JPH1: variants seen among roughly 807,000 people sequenced by gnomAD.
JPH1 encodes junctophilin 1.
A neutral mutation model predicts 53.6 loss-of-function variants in JPH1; 12 were observed. That is an observed-to-expected ratio of 0.22 (90% CI 0.14 to 0.36). JPH1 has a LOEUF of 0.36. JPH1 is among the 10% of genes least tolerant of loss of function. The pLI is 1.00. For synonymous variants in JPH1, 375 were observed against 363.8 expected (o/e 1.03, Z -0.35); for missense variants, 808 against 905.5 (o/e 0.89, Z 1.38).
At chr8:74,293,753 G>C (rs1296356566) in intron 2 of JPH1, among the ~76,000 whole-genome samples, 1 of 152,084 alleles carries the variant, frequency 6.6e-6, no homozygotes, top group African/African-American at 2.4e-5. Context: ...TCTCCTTCCA[G>C]GACCAGACTG....
At chr8:74,310,769 G>C (rs16938870) in intron 2 of JPH1, among the ~76,000 whole-genome samples, 31,102 of 152,130 alleles carry the variant, frequency 0.2, 3,593 homozygotes, top group East Asian at 0.31. Flanking sequence ...TTTTCCCTTA[G>C]AGCCAACTTG....
chr8:74,301,777 C>T (rs918698602), intron 2 of JPH1, among the ~76,000 whole-genome samples: 1 of 152,168 alleles, frequency 6.6e-6, no homozygotes, highest in African/African-American at 2.4e-5. Flanking sequence ...CCATGTTATA[C>T]TGACCTTATC....
intron 2 of JPH1, among the ~76,000 whole-genome samples, chr8:74,275,276 A>G (rs16938846): frequency 0.15 from 22,152 of 152,204 alleles, 1,969 homozygotes; most frequent in African/African-American, 0.24. Flanking sequence ...ACTTATCTAC[A>G]TAGTAGCAAA....
At position 74,235,148 on chromosome 8, in the gene JPH1, C is replaced by G. The variant is rs1806959791; in HGVS notation, c.*1903G>C. 6.6e-6 allele frequency: 1 copy of G among 152,102 alleles called. No individual in the cohort carries two copies. 9.4% of individuals were successfully genotyped at this position (152,102 alleles called of 1,614,324 possible). A position where few individuals can be genotyped will look rare whatever the true frequency, so the allele number is the denominator to read the frequency against. Reference sequence around the variant, plus strand: ...TTTTATTATTATTTTTTTAAAAAACCAGCTTTCCCAGCGTAAGGAGCTATA... The same window carrying G: ...TTTTATTATTATTTTTTTAAAAAACGAGCTTTCCCAGCGTAAGGAGCTATA... On this transcript the variant is annotated 3_prime_UTR_variant, in exon 6 of 6. Transcript: ENST00000342232.
Position 74,320,441 on chromosome 8 carries a change from T to G in JPH1, c.379+468A>C, listed in dbSNP as rs1260633417. Reference sequence around the variant, plus strand: ...GAAATACGACTCCACGTGAAACCAATCCCGGGAGCGGTCAGCACGGACCGC... The same window carrying G: ...GAAATACGACTCCACGTGAAACCAAGCCCGGGAGCGGTCAGCACGGACCGC... On this transcript the variant is annotated intron_variant, in intron 1 of 5. Transcript: ENST00000342232. The surrounding 1 kb of genome is among the most constrained non-coding windows in gnomAD (Gnocchi z 4.4). 6.6e-6 allele frequency among the ~76,000 whole-genome samples: 1 copy of G among 152,018 alleles called. No individual in the cohort carries two copies. The highest frequency in any genetic ancestry group is 6.5e-5 in the Admixed American group (1 of 15,272).
Position 74,244,524 on chromosome 8 carries a change from C to T in JPH1, c.1905+5G>A. On this transcript the variant is annotated splice_donor_5th_base_variant and intron_variant, in intron 4 of 5. Transcript: ENST00000342232. ...GAAAGAGAAAACGCTACTTGCAGTACTTACTGAATTGGCTTCTTTTTCCAA... is the reference window on the plus strand; with the variant it reads ...GAAAGAGAAAACGCTACTTGCAGTATTTACTGAATTGGCTTCTTTTTCCAA... The T allele has an allele frequency of 6.3e-7, 1 of 1,596,184 alleles. No homozygotes were observed. Among genetic ancestry groups the T allele is most frequent in the South Asian group, 1.1e-5 (1 of 87,084 alleles).
chr8:74,280,379 G>T (rs903564949), intron 2 of JPH1, among the ~76,000 whole-genome samples: 20 of 152,192 alleles, frequency 1.3e-4, no homozygotes, highest in African/African-American at 4.6e-4. Flanking sequence ...TCATGGGTAA[G>T]AACTCATTAT....
rs760088756 is a variant in JPH1 at position 74,320,983 on chromosome 8, G to T, written c.305C>A (p.Thr102Asn). ...CCAGGTACCCTCGTAGCGAGCGGGGGTGCACAGGCTCTGCCGGACCCCGTA... is the reference window on the plus strand; with the variant it reads ...CCAGGTACCCTCGTAGCGAGCGGGGTTGCACAGGCTCTGCCGGACCCCGTA... ...GRYGVRQSLC[T>N]PARYEGTWSN... Residue 102 changes from threonine to asparagine, a missense_variant, in exon 1 of 6, where the codon ACC becomes AAC. By Grantham distance (65) the Thr-to-Asn change is moderately conservative (BLOSUM62 0). Transcript: ENST00000342232. This position sits in a 1 kb window ranked among gnomAD's most constrained non-coding sequence, Gnocchi z 4.4. The T allele has an allele frequency of 6.2e-7, 1 of 1,612,042 alleles. No individual in the cohort carries two copies.
At chr8:74,301,481 G>C (rs1048956738) in intron 2 of JPH1, among the ~76,000 whole-genome samples, 2 of 152,224 alleles carry the variant, frequency 1.3e-5, no homozygotes, top group African/African-American at 2.4e-5. Context: ...TGGAGGACTA[G>C]AGAATTTTAA....
intron 4 of JPH1, among the ~76,000 whole-genome samples, chr8:74,240,063 C>T (rs1442628167): frequency 1.3e-5 from 2 of 152,198 alleles, no homozygotes; most frequent in South Asian, 2.1e-4. Flanking sequence ...CCTCTGCCTC[C>T]TGGCTTCAAG....
At chr8:74,318,461 A>T (rs758415663) in intron 1 of JPH1, among the ~76,000 whole-genome samples, 1 of 152,214 alleles carries the variant, frequency 6.6e-6, no homozygotes, top group South Asian at 2.1e-4. Flanking sequence ...GTTTTATGAC[A>T]AGTGAAAAAA....
At chr8:74,287,901 A>G (rs926722272) in intron 2 of JPH1, among the ~76,000 whole-genome samples, 1 of 152,150 alleles carries the variant, frequency 6.6e-6, no homozygotes, top group African/African-American at 2.4e-5. Flanking sequence ...ATCACAAACT[A>G]AAGAGAAAAC....
At chr8:74,251,594 T>G (rs904244576) in intron 3 of JPH1, among the ~76,000 whole-genome samples, 7 of 152,220 alleles carry the variant, frequency 4.6e-5, no homozygotes, top group African/African-American at 9.6e-5. Flanking sequence ...ATGGCTTTGT[T>G]TTTTTCTTTA....
chr8:74,246,435 T>TA (rs1208831697), intron 3 of JPH1, among the ~76,000 whole-genome samples: 4 of 152,330 alleles, frequency 2.6e-5, no homozygotes, highest in South Asian at 4.1e-4. Flanking sequence ...ACTGCACACT[T>TA]ACACTTGTAA....
At chr8:74,267,295 G>C (rs1806561456) in intron 2 of JPH1, among the ~76,000 whole-genome samples, 2 of 152,214 alleles carry the variant, frequency 1.3e-5, no homozygotes, top group South Asian at 4.1e-4. Context: ...ACTGGGGACT[G>C]AGACAAAAGT....
chr8:74,297,882 T>C (rs1027690019), intron 2 of JPH1, among the ~76,000 whole-genome samples: 6 of 143,182 alleles, frequency 4.2e-5, no homozygotes, highest in African/African-American at 1.4e-4. Flanking sequence ...GCTAATTTGA[T>C]TTTAGATGAT....
chr8:74,270,466 G>C (rs1489089673), intron 2 of JPH1, among the ~76,000 whole-genome samples: 4 of 152,134 alleles, frequency 2.6e-5, no homozygotes, highest in Middle Eastern at 3.2e-3. Context: ...TAAAATGATA[G>C]CTTATCTGAG....
At chr8:74,310,185 G>C (rs1807950580) in intron 2 of JPH1, among the ~76,000 whole-genome samples, 1 of 151,868 alleles carries the variant, frequency 6.6e-6, no homozygotes, top group East Asian at 1.9e-4. Context: ...TCCAGAACTA[G>C]AGGTGGTATG....
At chr8:74,255,276 C>G (rs1371542542) in intron 3 of JPH1, among the ~76,000 whole-genome samples, 2 of 151,878 alleles carry the variant, frequency 1.3e-5, no homozygotes, top group African/African-American at 2.4e-5. Context: ...ACAAACTTGA[C>G]AAAAACAAGA....
Sources: allele counts gnomAD v4.1 joint callset (sites outside exome capture counted in the v4.1 genomes callset), GRCh38; gene constraint gnomAD v4.1.1; non-coding constraint Gnocchi (gnomAD v3.1); transcripts MANE v1.5; gene names NCBI Gene and HGNC (gene_info 2026-07-23, HGNC 2026-07-21).